The following JCAD variants were observed in gnomAD, a reference collection of about 807,000 sequenced individuals.
The protein encoded by JCAD is junctional cadherin 5 associated.
A neutral mutation model predicts 98.0 loss-of-function variants in JCAD; 40 were observed. The ratio of observed to expected loss-of-function variants is 0.41; its 90% CI spans 0.32 to 0.53. The LOEUF (loss-of-function observed/expected upper bound fraction) is 0.53. Among genes scored for constraint, JCAD ranks in the 20% least tolerant of loss-of-function variants. The pLI, the probability that JCAD is intolerant of heterozygous loss-of-function variation, is 0.31. For missense variants in JCAD, 1,705 were observed against 1,738.1 expected, an observed-to-expected ratio of 0.98 and a Z score of 0.34; for synonymous variants, 691 against 682.3, an observed-to-expected ratio of 1.01 and a Z score of -0.20.
intron 1 of JCAD, among the ~76,000 whole-genome samples, chr10:30,096,230 T>A (rs1001196815): frequency 1.3e-5 from 2 of 152,132 alleles, no homozygotes; most frequent in African/African-American, 4.8e-5. Flanking sequence ...CAGAGGCATG[T>A]GTATTGCAGA....
intron 1 of JCAD, among the ~76,000 whole-genome samples, chr10:30,104,707 A>T (rs1324979647): frequency 6.6e-6 from 1 of 152,266 alleles, no homozygotes; most frequent in Non-Finnish European, 1.5e-5. Flanking sequence ...GTGCATATGT[A>T]GCCCCTGAAT....
intron 2 of JCAD, 52 bp from the exon 3 acceptor site, chr10:30,029,918 C>G: frequency 6.5e-7 from 1 of 1,530,974 alleles, no homozygotes; most frequent in Non-Finnish European, 8.8e-7. Context: ...ATGTCTTCAT[C>G]TGCTTCTGTG....
chr10:30,036,428 A>T (rs1436574837), intron 2 of JCAD, among the ~76,000 whole-genome samples: 1 of 151,564 alleles, frequency 6.6e-6, no homozygotes, highest in African/African-American at 2.4e-5. Context: ...CAGCCTGGGC[A>T]GTACAGAGCA....
chr10:30,111,014 T>G (rs955205757), intron 1 of JCAD, among the ~76,000 whole-genome samples: 6 of 152,022 alleles, frequency 3.9e-5, no homozygotes, highest in African/African-American at 1.2e-4. Context: ...CTAACTGATG[T>G]ATGGGGCAGC....
At chr10:30,067,824 T>G (rs1169719805) in intron 2 of JCAD, among the ~76,000 whole-genome samples, 1 of 152,172 alleles carries the variant, frequency 6.6e-6, no homozygotes, top group Non-Finnish European at 1.5e-5. Context: ...GCAAACATCC[T>G]AGAGTGCATG....
intron 1 of JCAD, among the ~76,000 whole-genome samples, chr10:30,054,964 C>G (rs1837539708): frequency 6.6e-6 from 1 of 152,056 alleles, no homozygotes; most frequent in Admixed American, 6.6e-5. Context: ...CCACCGCGCC[C>G]GGCCGAAAAT....
chr10:30,081,147 G>C (rs1838077487), intron 1 of JCAD, among the ~76,000 whole-genome samples: 1 of 152,202 alleles, frequency 6.6e-6, no homozygotes, highest in African/African-American at 2.4e-5. Context: ...AAAGGCATCT[G>C]TGTTACCTGG....
chr10:30,094,239 C>A (rs1295498374), intron 1 of JCAD, among the ~76,000 whole-genome samples: 16 of 151,380 alleles, frequency 1.1e-4, no homozygotes, highest in Admixed American at 5.9e-4. Context: ...GTCAGGAGTT[C>A]GAGACCAACC....
At chr10:30,068,409 A>G (rs916085940) in intron 2 of JCAD, among the ~76,000 whole-genome samples, 2 of 151,304 alleles carry the variant, frequency 1.3e-5, no homozygotes, top group African/African-American at 4.9e-5. Flanking sequence ...AAAAAAAAAA[A>G]AAAAAAGAGG....
intron 1 of JCAD, among the ~76,000 whole-genome samples, chr10:30,089,935 T>C (rs1205586345): frequency 6.6e-6 from 1 of 152,216 alleles, no homozygotes; most frequent in African/African-American, 2.4e-5. Flanking sequence ...CCCAATTACA[T>C]TGGTGAAAAT....
chr10:30,046,205 C>T lies in JCAD; in HGVS notation c.281+1327G>A, dbSNP rs534922102. The stretch of plus-strand genomic sequence containing the variant: ...CCCAGTGCAGCACTAAAGGCAAACA[C>T]AGTGTTAGGAAGGGATGACAAAGGT... On this transcript the variant is annotated intron_variant, in intron 2 of 3. Transcript: ENST00000375377. Among the ~76,000 whole-genome samples the T allele has an allele frequency of 2.0e-3, 298 of 152,240 alleles. 1 individual carries two copies. Among genetic ancestry groups the T allele is most frequent in the Non-Finnish European group, 1.5e-3 (99 of 68,016 alleles).
intron 3 of JCAD, among the ~76,000 whole-genome samples, chr10:30,018,699 ATGTC>A (rs1350097779): frequency 6.6e-6 from 1 of 152,136 alleles, no homozygotes; most frequent in Non-Finnish European, 1.5e-5. Flanking sequence ...CAATTCACAG[ATGTC>A]TGTCTGGAAT....
intron 1 of JCAD, among the ~76,000 whole-genome samples, chr10:30,114,620 G>A (rs1178332494): frequency 6.7e-6 from 1 of 148,224 alleles, no homozygotes; most frequent in Non-Finnish European, 1.5e-5. Context: ...GTGGTGGCAG[G>A]TTTTTCAGAA....
chr10:30,036,304 C>T (rs1326986699), intron 2 of JCAD, among the ~76,000 whole-genome samples: 1 of 152,102 alleles, frequency 6.6e-6, no homozygotes, highest in South Asian at 2.1e-4. Flanking sequence ...AAAAAATTAG[C>T]CAGGCGTGGT....
At chr10:30,058,081 G>C (rs1397349639) in intron 1 of JCAD, among the ~76,000 whole-genome samples, 1 of 152,102 alleles carries the variant, frequency 6.6e-6, no homozygotes, top group Admixed American at 6.5e-5. Context: ...TTTTTTGCCA[G>C]AGCATTTCTG....
At chr10:30,066,872 T>C (rs887402967) in intron 2 of JCAD, among the ~76,000 whole-genome samples, 9 of 152,010 alleles carry the variant, frequency 5.9e-5, no homozygotes, top group African/African-American at 1.2e-4. Context: ...AAATATGTGC[T>C]TGTAGTCCCA....
chr10:30,044,382 G>A (rs1837295120), intron 2 of JCAD, among the ~76,000 whole-genome samples: 1 of 152,190 alleles, frequency 6.6e-6, no homozygotes, highest in South Asian at 2.1e-4. Context: ...CATGAGTGGG[G>A]TGTTGAGGAC....
At chr10:30,108,039 G>T (rs1838617950) in intron 1 of JCAD, among the ~76,000 whole-genome samples, 1 of 152,128 alleles carries the variant, frequency 6.6e-6, no homozygotes, top group Non-Finnish European at 1.5e-5. Context: ...GTGGCCGGGT[G>T]CGGTGGCTCA....
intron 1 of JCAD, among the ~76,000 whole-genome samples, chr10:30,070,323 A>C (rs188193383): frequency 1.3e-5 from 2 of 152,192 alleles, no homozygotes. Flanking sequence ...CCCTCCCTGA[A>C]CTGATAATTT....
Sources: gnomAD v4.1 joint callset for allele counts (sites outside exome capture counted in the v4.1 genomes callset) on GRCh38, gnomAD v4.1.1 for gene constraint, MANE v1.5 for transcripts, NCBI Gene and HGNC (gene_info 2026-07-23, HGNC 2026-07-21) for gene names.